Variants in ARHGEF4 observed in about 807,000 individuals in gnomAD.
The protein encoded by ARHGEF4 is APC-stimulated guanine nucleotide exchange factor 1.
ARHGEF4 carries 119 observed loss-of-function variants against 162.0 expected under a neutral mutation model. The observed-to-expected ratio is 0.73, with a 90% CI of 0.63 to 0.86. The LOEUF (loss-of-function observed/expected upper bound fraction) is 0.86. Ranked by LOEUF, ARHGEF4 falls within the 40% of genes least tolerant of loss-of-function variation. The pLI is 0.00. For synonymous variants in ARHGEF4, 1,014 were observed against 979.9 expected, an observed-to-expected ratio of 1.03 and a Z score of -0.65; for missense variants, 2,488 against 2,456.0, an observed-to-expected ratio of 1.01 and a Z score of -0.28.
intron 4 of ARHGEF4, among the ~76,000 whole-genome samples, chr2:130,991,675 C>T (rs2105283606): frequency 6.6e-6 from 1 of 152,392 alleles, no homozygotes; most frequent in South Asian, 2.1e-4. Flanking sequence ...CCTTAGCTGC[C>T]TTCCCGCGGG....
intron 4 of ARHGEF4, among the ~76,000 whole-genome samples, chr2:131,013,983 A>C (rs549878488): frequency 6.6e-6 from 1 of 152,354 alleles, no homozygotes; most frequent in East Asian, 1.9e-4. Context: ...TAATTTTTGT[A>C]ATGAAAATTG....
At chr2:131,002,243 A>G (rs1183485440) in intron 4 of ARHGEF4, among the ~76,000 whole-genome samples, 2 of 152,198 alleles carry the variant, frequency 1.3e-5, no homozygotes, top group African/African-American at 4.8e-5. Flanking sequence ...GAAAAGATTA[A>G]TATGTAGCTA....
At chr2:130,869,929 G>A (rs373030196) in intron 1 of ARHGEF4, among the ~76,000 whole-genome samples, 1 of 152,186 alleles carries the variant, frequency 6.6e-6, no homozygotes, top group African/African-American at 2.4e-5. Context: ...GCTGAACAAG[G>A]CCCCCTCCGT....
intron 2 of ARHGEF4, among the ~76,000 whole-genome samples, chr2:130,919,920 G>A (rs1223832023): frequency 3.3e-5 from 5 of 151,990 alleles, no homozygotes; most frequent in Admixed American, 2.0e-4. Context: ...CTATGTGTCT[G>A]TGTATACACA....
intron 4 of ARHGEF4, among the ~76,000 whole-genome samples, chr2:130,973,325 C>T (rs1685486796): frequency 6.6e-6 from 1 of 152,162 alleles, no homozygotes; most frequent in South Asian, 2.1e-4. Context: ...GCTGTCTCTA[C>T]TGAAAATACA....
chr2:130,910,059 G>A (rs959746321), intron 1 of ARHGEF4, among the ~76,000 whole-genome samples: 1 of 152,140 alleles, frequency 6.6e-6, no homozygotes, highest in African/African-American at 2.4e-5. Flanking sequence ...GCCTGTCTGG[G>A]GGTGGGGTTA....
chr2:131,033,324 A>G (rs1330173435), intron 5 of ARHGEF4, among the ~76,000 whole-genome samples: 1 of 152,176 alleles, frequency 6.6e-6, no homozygotes, highest in East Asian at 1.9e-4. Context: ...AGCCACCTTC[A>G]GTCCTCCCCA....
intron 1 of ARHGEF4, among the ~76,000 whole-genome samples, chr2:130,884,573 T>A (rs1444763323): frequency 6.6e-6 from 1 of 152,110 alleles, no homozygotes; most frequent in Non-Finnish European, 1.5e-5. Flanking sequence ...GTGGCTGGCA[T>A]GATTTTTAAT....
intron 4 of ARHGEF4, among the ~76,000 whole-genome samples, chr2:131,022,515 C>A (rs963199903): frequency 5.3e-5 from 8 of 151,990 alleles, no homozygotes; most frequent in Non-Finnish European, 8.8e-5. Flanking sequence ...CTTTGCTCAT[C>A]AAAACTTTTG....
intron 1 of ARHGEF4, 101 bp from the exon 2 acceptor site, chr2:130,913,885 T>C: frequency 7.0e-7 from 1 of 1,418,608 alleles, no homozygotes; most frequent in Non-Finnish European, 9.5e-7. Flanking sequence ...TAATGAGCCA[T>C]TTCTGAGCCT....
chr2:130,873,250 C>T (rs970375257), intron 1 of ARHGEF4, among the ~76,000 whole-genome samples: 1 of 152,160 alleles, frequency 6.6e-6, no homozygotes, highest in African/African-American at 2.4e-5. Flanking sequence ...TGGCCTGTGG[C>T]AAAGGTTCAA....
chr2:131,015,736 CA>C (rs1558854399), intron 4 of ARHGEF4, among the ~76,000 whole-genome samples: 2 of 152,192 alleles, frequency 1.3e-5, no homozygotes, highest in African/African-American at 4.8e-5. Context: ...AAAATAGAAA[CA>C]AACTCAGTCC....
In ARHGEF4 at chr2:130,916,661, C is replaced by G. The variant is rs1213108203; in HGVS notation, c.2715C>G (p.Leu905=). The G allele has an allele frequency of 6.4e-7, 1 of 1,550,606 alleles. No individual in the cohort carries two copies. Among genetic ancestry groups the G allele is most frequent in the Non-Finnish European group, 8.7e-7 (1 of 1,147,002 alleles). Residue 905 remains leucine (L), a synonymous_variant, in exon 2 of 14, where the codon CTC becomes CTG. Transcript: ENST00000409359. ...GACTCAAAACAACGGAGAAAAAACT[C>G]AGGGCAAGGTTGGCCTTGGCTCATA... is the stretch of plus-strand genomic sequence containing the variant. ...AKRLKTTEKK[L]RARLALAHKT...
intron 11 of ARHGEF4, 34 bp from the exon 12 acceptor site, chr2:131,044,265 T>A (rs771296153): frequency 8.1e-6 from 13 of 1,607,008 alleles, no homozygotes. Context: ...AGGGGAGCGG[T>A]TCAGCAGCCA....
At chr2:130,928,751 G>A (rs1253955430) in intron 2 of ARHGEF4, among the ~76,000 whole-genome samples, 1 of 151,906 alleles carries the variant, frequency 6.6e-6, no homozygotes, top group South Asian at 2.1e-4. Context: ...ATCTACCATC[G>A]TCTCATCATT....
At chr2:130,931,363 C>A in intron 3 of ARHGEF4, 106 bp downstream of exon 3, 1 of 1,254,856 alleles carries the variant, frequency 8.0e-7, no homozygotes, top group Non-Finnish European at 1.1e-6. Context: ...TGAGATGTAA[C>A]TTGTCACCCT....
At chr2:130,839,202 A>T (rs989312126) in intron 1 of ARHGEF4, among the ~76,000 whole-genome samples, 3 of 152,034 alleles carry the variant, frequency 2.0e-5, no homozygotes, top group African/African-American at 7.3e-5. Flanking sequence ...TGTTCCTCTC[A>T]GACACTGGTC....
At position 131,035,462 on chromosome 2, in the gene ARHGEF4, C is replaced by T. The variant is rs566291978; in HGVS notation, c.4126-3391C>T. On this transcript the variant is annotated intron_variant, in intron 5 of 13. Transcript: ENST00000409359. ...CACGTGTGTCACAGGGTCCTTCTGT[C>T]CTCTGTGCCCTGTGGGGAGTGGGGG... 869 of 424,128 alleles carry T rather than the reference C, an allele frequency of 2.0e-3. 6 individuals carry two copies. The highest frequency in any genetic ancestry group is 0.017 in the African/African-American group (786 of 47,148). 26.3% of individuals were successfully genotyped at this position (424,128 alleles called of 1,614,324 possible).
At chr2:130,844,913 C>T (rs1023172380) in intron 1 of ARHGEF4, among the ~76,000 whole-genome samples, 1 of 151,910 alleles carries the variant, frequency 6.6e-6, no homozygotes, top group Non-Finnish European at 1.5e-5. Flanking sequence ...CAACCTCCAC[C>T]TCCGGGTTCA....
Sources: allele counts gnomAD v4.1 joint callset (sites outside exome capture counted in the v4.1 genomes callset), GRCh38; gene constraint gnomAD v4.1.1; transcripts MANE v1.5; gene names NCBI Gene and HGNC (gene_info 2026-07-23, HGNC 2026-07-21).